Variants in KCND2 observed in about 807,000 individuals in gnomAD.
KCND2 encodes A-type voltage-gated potassium channel KCND2.
Under a neutral mutation model 54.4 loss-of-function variants are expected in KCND2, and 16 were observed. The observed-to-expected ratio is 0.29, with a 90% confidence interval of 0.20 to 0.45. KCND2 has a LOEUF of 0.45. Ranked by LOEUF, KCND2 falls within the 20% of genes least tolerant of loss-of-function variation. The pLI, the probability that KCND2 is intolerant of heterozygous loss-of-function variation, is 1.00. For synonymous variants in KCND2, 317 were observed against 310.7 expected (o/e 1.02, Z -0.21); for missense variants, 486 against 824.2 (o/e 0.59, Z 5.02).
chr7:120,581,720 A>AT (rs10542354), intron 1 of KCND2, among the ~76,000 whole-genome samples: 69 of 151,304 alleles, frequency 4.6e-4, no homozygotes, highest in African/African-American at 1.5e-3. Flanking sequence ...GATCTTAATA[A>AT]TTTTTTTTTT....
chr7:120,590,052 T>C (rs1792650900), intron 1 of KCND2, among the ~76,000 whole-genome samples: 1 of 152,192 alleles, frequency 6.6e-6, no homozygotes, highest in Admixed American at 6.5e-5. Flanking sequence ...TCTCGCCCTG[T>C]CACCCAGGCT....
chr7:120,340,334 A>G (rs755722340), intron 1 of KCND2, among the ~76,000 whole-genome samples: 7 of 152,370 alleles, frequency 4.6e-5, no homozygotes, highest in South Asian at 4.1e-4. Flanking sequence ...TTGGATGTGT[A>G]TATGAGAGAA....
At chr7:120,625,175 A>C (rs192408954) in intron 1 of KCND2, among the ~76,000 whole-genome samples, 38 of 152,324 alleles carry the variant, frequency 2.5e-4, no homozygotes, top group African/African-American at 8.4e-4. Flanking sequence ...GTCTAAGATT[A>C]AGTGATTTAG....
chr7:120,647,737 T>G (rs1238749662), intron 1 of KCND2, among the ~76,000 whole-genome samples: 4 of 152,218 alleles, frequency 2.6e-5, no homozygotes, highest in Non-Finnish European at 4.4e-5. Flanking sequence ...TGCCGTAAGT[T>G]TTCATTAGTT....
intron 1 of KCND2, among the ~76,000 whole-genome samples, chr7:120,732,110 G>A (rs1421769442): frequency 6.6e-6 from 1 of 152,118 alleles, no homozygotes; most frequent in Non-Finnish European, 1.5e-5. Flanking sequence ...CATAGAGATA[G>A]TTTTAAGCTA....
chr7:120,420,440 AG>A (rs1201237694), intron 1 of KCND2, among the ~76,000 whole-genome samples: 2 of 152,168 alleles, frequency 1.3e-5, no homozygotes, highest in Non-Finnish European at 2.9e-5. Context: ...GTCTTGATAG[AG>A]AGGGAAAGAA....
chr7:120,424,280 A>G (rs1801669245), intron 1 of KCND2, among the ~76,000 whole-genome samples: 2 of 152,234 alleles, frequency 1.3e-5, no homozygotes, highest in African/African-American at 4.8e-5. Context: ...TGTCTGTAGT[A>G]AGATTACCAT....
At chr7:120,597,192 G>C (rs1037845884) in intron 1 of KCND2, among the ~76,000 whole-genome samples, 1 of 152,160 alleles carries the variant, frequency 6.6e-6, no homozygotes, top group African/African-American at 2.4e-5. Context: ...AAATGAATTA[G>C]ACAAAAGACA....
chr7:120,472,055 A>G (rs1214312467), intron 1 of KCND2, among the ~76,000 whole-genome samples: 1 of 151,944 alleles, frequency 6.6e-6, no homozygotes, highest in Non-Finnish European at 1.5e-5. Flanking sequence ...ATTCTGGAAG[A>G]TGAAGTCATT....
intron 1 of KCND2, among the ~76,000 whole-genome samples, chr7:120,583,324 AT>A (rs1176743043): frequency 1.3e-5 from 2 of 151,914 alleles, no homozygotes; most frequent in Admixed American, 6.6e-5. Flanking sequence ...TCAAATATTG[AT>A]TTTTTCCTAA....
chr7:120,606,609 C>T (rs1792885438), intron 1 of KCND2, among the ~76,000 whole-genome samples: 1 of 152,070 alleles, frequency 6.6e-6, no homozygotes, highest in African/African-American at 2.4e-5. Context: ...TCCCAGTAGT[C>T]ATTGAAAAGA....
chr7:120,616,954 A>G (rs1793033085), intron 1 of KCND2, among the ~76,000 whole-genome samples: 1 of 152,196 alleles, frequency 6.6e-6, no homozygotes, highest in Non-Finnish European at 1.5e-5. Context: ...CAGACACATT[A>G]GCACAAACAA....
chr7:120,284,307 A>ACACACG (rs1270264550), intron 1 of KCND2, among the ~76,000 whole-genome samples: 1 of 151,884 alleles, frequency 6.6e-6, no homozygotes, highest in East Asian at 1.9e-4. Flanking sequence ...ACACACACAC[A>ACACACG]CGCGCGCACA....
chr7:120,431,314 C>CCCA (rs1238005751), intron 1 of KCND2, among the ~76,000 whole-genome samples: 22 of 152,148 alleles, frequency 1.4e-4, no homozygotes, highest in Non-Finnish European at 3.1e-4. Flanking sequence ...ACAAATGCAG[C>CCCA]CCATGCCTTA....
intron 1 of KCND2, among the ~76,000 whole-genome samples, chr7:120,333,524 C>A (rs143333348): frequency 6.6e-6 from 1 of 152,058 alleles, no homozygotes; most frequent in African/African-American, 2.4e-5. Flanking sequence ...CCAGCAAACC[C>A]TGTTTATGAT....
At chr7:120,330,880 A>C (rs1367194548) in intron 1 of KCND2, among the ~76,000 whole-genome samples, 1 of 152,168 alleles carries the variant, frequency 6.6e-6, no homozygotes, top group Non-Finnish European at 1.5e-5. Flanking sequence ...GGACTTTAAA[A>C]ATACCTTACA....
At chr7:120,298,973 C>T (rs1357712675) in intron 1 of KCND2, among the ~76,000 whole-genome samples, 1 of 152,110 alleles carries the variant, frequency 6.6e-6, no homozygotes, top group Non-Finnish European at 1.5e-5. Context: ...GCCTGGCCAA[C>T]ATGGGTGAAA....
chr7:120,744,660 T>C (rs914925567), intron 4 of KCND2, among the ~76,000 whole-genome samples: 1 of 152,186 alleles, frequency 6.6e-6, no homozygotes, highest in Non-Finnish European at 1.5e-5. Flanking sequence ...TATTTCAAAA[T>C]GCTTGTCTCA....
chr7:120,530,561 A>G (rs1791831699), intron 1 of KCND2, among the ~76,000 whole-genome samples: 1 of 152,140 alleles, frequency 6.6e-6, no homozygotes, highest in Non-Finnish European at 1.5e-5. Flanking sequence ...GCTCATGAAT[A>G]TCTTCCAACT....
Sources: allele counts gnomAD v4.1 joint callset (sites outside exome capture counted in the v4.1 genomes callset), GRCh38; gene constraint gnomAD v4.1.1; transcripts MANE v1.5; gene names NCBI Gene and HGNC (gene_info 2026-07-23, HGNC 2026-07-21).